The following IMPG2 variants were observed in gnomAD, a reference collection of about 807,000 sequenced individuals.
IMPG2 encodes IPM 200.
In IMPG2, 91 loss-of-function variants were observed where a neutral mutation model predicts 129.2. The observed-to-expected ratio is 0.70, with a 90% CI of 0.59 to 0.84. IMPG2 has a LOEUF of 0.84. IMPG2 is among the 40% of genes least tolerant of loss of function. The probability of loss-of-function intolerance (pLI) is 0.00; values close to 1 mark genes in which losing one functional copy is unlikely to be tolerated. For synonymous variants in IMPG2, 510 were observed against 517.7 expected, an observed-to-expected ratio of 0.99 and a Z score of 0.20; for missense variants, 1,430 against 1,461.7, an observed-to-expected ratio of 0.98 and a Z score of 0.35.
In IMPG2 at chr3:101,240,571, C is replaced by A. The variant is rs188337981; in HGVS notation, c.3022+2117G>T. ...AAATACAGAGGCCAGGCAATATTAC[C>A]CCCATTTAATATATGAGGAACTAAG... On this transcript the variant is annotated intron_variant, in intron 14 of 18. Transcript: ENST00000193391. Among the ~76,000 whole-genome samples, 284 of 152,230 alleles carry A rather than the reference C, an allele frequency of 1.9e-3. 1 individual carries two copies. The highest frequency in any genetic ancestry group is 6.4e-3 in the African/African-American group (265 of 41,536).
chr3:101,319,686 T>A lies in IMPG2; in HGVS notation c.232A>T (p.Arg78Ter), dbSNP rs2058801845. Residue 78 changes from arginine to a stop codon, truncating the protein, a stop_gained, in exon 2 of 19, where the codon AGA becomes TGA. Transcript: ENST00000193391. LOFTEE classifies it high-confidence loss of function. ...GGAAACAGAATAGATCTCCGCCTTCTGATTAACCACTGTCTTTCAGTTTCT... is the reference window on the plus strand; with the variant it reads ...GGAAACAGAATAGATCTCCGCCTTCAGATTAACCACTGTCTTTCAGTTTCT... Reference protein sequence around the residue: ...RRETERQWLIRRRRSILFPNG... With the variant: ...RRETERQWLI The A allele has an allele frequency of 6.2e-7, 1 of 1,613,662 alleles. No individual in the cohort carries two copies. Among genetic ancestry groups the A allele is most frequent in the Non-Finnish European group, 8.5e-7 (1 of 1,179,850 alleles).
intron 3 of IMPG2, among the ~76,000 whole-genome samples, chr3:101,299,295 C>T (rs887116720): frequency 6.6e-6 from 1 of 152,134 alleles, no homozygotes; most frequent in Non-Finnish European, 1.5e-5. Context: ...CTCCTGTAAC[C>T]TTTTATCAAG....
In IMPG2 at chr3:101,231,039, C is replaced by A. The variant is rs1374678225; in HGVS notation, c.3340G>T (p.Val1114Phe). ...ITIASVVGLLVIFSAIIYFFI... is the reference protein window; with the variant it reads ...ITIASVVGLLFIFSAIIYFFI... The stretch of plus-strand genomic sequence containing the variant: ...AAGTAGATGATAGCAGAAAAGATGA[C>A]AAGAAGTCCAACCACGGAGGCAATA... Residue 1114 changes from valine (V) to phenylalanine (F), a missense_variant, in exon 16 of 19, where the codon GTC (valine) becomes TTC (phenylalanine). Transcript: ENST00000193391. 6.2e-7 allele frequency: 1 copy of A among 1,614,110 alleles called. No homozygotes were observed. Among genetic ancestry groups the A allele is most frequent in the Non-Finnish European group, 8.5e-7 (1 of 1,179,986 alleles).
At chr3:101,269,003 A>G (rs570264543) in intron 8 of IMPG2, among the ~76,000 whole-genome samples, 109 of 152,338 alleles carry the variant, frequency 7.2e-4, no homozygotes, top group African/African-American at 2.3e-3. Context: ...CACTCAGTAA[A>G]GTATTCATTC....
intron 9 of IMPG2, among the ~76,000 whole-genome samples, chr3:101,262,398 A>G (rs963168957): frequency 6.6e-6 from 1 of 152,082 alleles, no homozygotes; most frequent in Non-Finnish European, 1.5e-5. Context: ...CTCATAGACT[A>G]TTTCTGTGCT....
chr3:101,292,471 C>G (rs935727393), intron 3 of IMPG2, among the ~76,000 whole-genome samples: 3 of 152,076 alleles, frequency 2.0e-5, no homozygotes, highest in African/African-American at 4.8e-5. Context: ...AGGTATATAC[C>G]TTAATTTTAA....
At chr3:101,279,051 C>T (rs1241578691) in intron 4 of IMPG2, among the ~76,000 whole-genome samples, 1 of 152,170 alleles carries the variant, frequency 6.6e-6, no homozygotes, top group Non-Finnish European at 1.5e-5. Flanking sequence ...AGTACTCCTT[C>T]CCAGTACCTT....
chr3:101,257,729 A>G lies in IMPG2; in HGVS notation c.953T>C (p.Ile318Thr). The change falls in exon 10 of 19, where the codon ATC becomes ACC. Residue 318 changes from isoleucine to threonine, a missense_variant. By Grantham distance (89) the Ile-to-Thr change is moderately conservative (BLOSUM62 -1). Transcript: ENST00000193391. Reference sequence around the variant, plus strand: ...AATGAGGTCCCAGGTGGTATTGCTGATGGCCTCACCATTGAAGGTAACTGC... The same window carrying G: ...AATGAGGTCCCAGGTGGTATTGCTGGTGGCCTCACCATTGAAGGTAACTGC... ...YYAVTFNGEA[I>T]SNTTWDLISL... is the part of the protein sequence containing the mutation. The G allele has an allele frequency of 6.2e-7, 1 of 1,613,178 alleles. No homozygotes were observed. The highest frequency in any genetic ancestry group is 8.5e-7 in the Non-Finnish European group (1 of 1,179,348).
At chr3:101,227,055 A>G in intron 18 of IMPG2, 74 bp from the exon 19 acceptor site, 1 of 1,404,840 alleles carries the variant, frequency 7.1e-7, no homozygotes, top group Admixed American at 1.7e-5. Context: ...ACTGTCATAC[A>G]TCACTAAGCT....
At chr3:101,273,333 T>C (rs900985436) in intron 7 of IMPG2, among the ~76,000 whole-genome samples, 3 of 152,258 alleles carry the variant, frequency 2.0e-5, no homozygotes, top group African/African-American at 4.8e-5. Flanking sequence ...CATTCTTTCT[T>C]GGCTGTGCAG....
At chr3:101,276,052 C>T (rs1706837445) in intron 5 of IMPG2, among the ~76,000 whole-genome samples, 1 of 152,006 alleles carries the variant, frequency 6.6e-6, no homozygotes, top group Admixed American at 6.6e-5. Flanking sequence ...GGGACACATA[C>T]TAAAAGAAGT....
intron 15 of IMPG2, among the ~76,000 whole-genome samples, chr3:101,232,396 C>T (rs1348499619): frequency 1.3e-5 from 2 of 152,038 alleles, no homozygotes; most frequent in African/African-American, 2.4e-5. Flanking sequence ...TGCCACCACA[C>T]CCAGCTAATT....
chr3:101,275,585 C>T, intron 6 of IMPG2, 78 bp downstream of exon 6: 3 of 1,062,922 alleles, frequency 2.8e-6, no homozygotes, highest in Non-Finnish European at 4.4e-6. Context: ...CTGTGTAGTC[C>T]AGCAATGGGA....
At position 101,232,931 on chromosome 3, in the gene IMPG2, T is replaced by C. The variant is rs1248940249; in HGVS notation, c.3083A>G (p.Asn1028Ser). The part of the protein sequence containing the change: ...ACNEFSECLV[N>S]PWSGEAKCRC... ...GCACTTTGCTTCTCCACTCCAGGGG[T>C]TGACCAGACACTCTGAAAATTCATT... is the stretch of plus-strand genomic sequence containing the variant. Residue 1028 changes from asparagine (N) to serine (S), a missense_variant, in exon 15 of 19, where the codon AAC becomes AGC. Transcript: ENST00000193391. 2.5e-6 allele frequency: 4 copies of C among 1,613,856 alleles called. No homozygotes were observed. The African/African-American group carries it at 4.0e-5, about 16-fold the overall frequency.
In IMPG2 at chr3:101,231,081, C is replaced by A. The variant is rs201105142; in HGVS notation, c.3298G>T (p.Val1100Leu). 6.2e-7 allele frequency: 1 copy of A among 1,614,128 alleles called. No individual in the cohort carries two copies. Among genetic ancestry groups the A allele is most frequent in the Admixed American group, 1.7e-5 (1 of 60,022 alleles). The part of the protein sequence containing the change: ...KHCEEFVSEP[V>L]IIGITIASVV... ...GAGGCAATAGTGATGCCTATGATCACGGGCTCAGACACAAATTCCTCACAG... is the reference window on the plus strand; with the variant it reads ...GAGGCAATAGTGATGCCTATGATCAAGGGCTCAGACACAAATTCCTCACAG... Residue 1100 changes from valine (V) to leucine (L), a missense_variant, in exon 16 of 19, where the codon GTG becomes TTG. Transcript: ENST00000193391.
Position 101,226,995 on chromosome 3 carries a change from A to G in IMPG2, c.3714-14T>C, listed in dbSNP as rs766341426. 6 of 1,613,590 alleles carry G rather than the reference A, an allele frequency of 3.7e-6. No individual in the cohort carries two copies. Among genetic ancestry groups the G allele is most frequent in the African/African-American group, 1.3e-5 (1 of 74,908 alleles). On this transcript the variant is annotated splice_polypyrimidine_tract_variant and intron_variant, in intron 18 of 18. Transcript: ENST00000193391. ...TAAACCTCTTCCCTGCCATGAAAACACAAAGAGCAATTCAGTAAAAAAAAA... is the reference window on the plus strand; with the variant it reads ...TAAACCTCTTCCCTGCCATGAAAACGCAAAGAGCAATTCAGTAAAAAAAAA...
At chr3:101,302,402 T>C (rs1160551929) in intron 3 of IMPG2, among the ~76,000 whole-genome samples, 1 of 152,214 alleles carries the variant, frequency 6.6e-6, no homozygotes, top group East Asian at 1.9e-4. Context: ...TGTGTGTGTA[T>C]GTCTATATAT....
intron 10 of IMPG2, among the ~76,000 whole-genome samples, chr3:101,254,396 T>C (rs78196624): frequency 0.028 from 4,261 of 152,214 alleles, 87 homozygotes; most frequent in Non-Finnish European, 0.046. Flanking sequence ...AAGCATTGCA[T>C]ATATCAGAGA....
At chr3:101,273,560 G>GT (rs746039015) in intron 7 of IMPG2, 21 bp downstream of exon 7, 5,074 of 1,289,146 alleles carry the variant, frequency 3.9e-3, no homozygotes, top group Non-Finnish European at 4.7e-3. Flanking sequence ...TGCCTTGTTT[G>GT]TTTTTTTTTT....
Sources: allele counts gnomAD v4.1 joint callset (sites outside exome capture counted in the v4.1 genomes callset), GRCh38; gene constraint gnomAD v4.1.1; transcripts MANE v1.5; gene names NCBI Gene and HGNC (gene_info 2026-07-23, HGNC 2026-07-21).